The following CSNK1G1 variants were observed in gnomAD, a reference collection of about 807,000 sequenced individuals.
CSNK1G1 encodes the protein casein kinase I isoform gamma-1.
A neutral mutation model predicts 59.6 loss-of-function variants in CSNK1G1; 22 were observed. That is an observed-to-expected ratio of 0.37 (90% confidence interval 0.26 to 0.53). The LOEUF (loss-of-function observed/expected upper bound fraction) is 0.53. Ranked by LOEUF, CSNK1G1 falls within the 20% of genes least tolerant of loss-of-function variation. The probability of loss-of-function intolerance (pLI) is 0.89; values close to 1 mark genes in which losing one functional copy is unlikely to be tolerated. For synonymous variants in CSNK1G1, 179 were observed against 177.1 expected (o/e 1.01, Z -0.08); for missense variants, 384 against 519.5 (o/e 0.74, Z 2.54).
chr15:64,255,172 G>A (rs1274572255), intron 3 of CSNK1G1, among the ~76,000 whole-genome samples: 2 of 152,108 alleles, frequency 1.3e-5, no homozygotes, highest in Non-Finnish European at 2.9e-5. Context: ...CACCTCCCGG[G>A]TTCAAGCAAT....
At chr15:64,347,750 G>C (rs966046830) in intron 1 of CSNK1G1, among the ~76,000 whole-genome samples, 1 of 152,150 alleles carries the variant, frequency 6.6e-6, no homozygotes, top group Non-Finnish European at 1.5e-5. Flanking sequence ...GCTCCTACCT[G>C]TAATCCCAGC....
chr15:64,245,734 G>A (rs746983576), intron 4 of CSNK1G1, among the ~76,000 whole-genome samples: 15 of 150,920 alleles, frequency 9.9e-5, no homozygotes, highest in Non-Finnish European at 1.9e-4. Context: ...GCGAGACCCC[G>A]GTTCTCCACA....
chr15:64,316,265 G>A (rs968888004), intron 1 of CSNK1G1, among the ~76,000 whole-genome samples: 1 of 152,018 alleles, frequency 6.6e-6, no homozygotes, highest in Non-Finnish European at 1.5e-5. Context: ...GGTTGGGCTC[G>A]GTGGCTCACG....
rs1455084280 is a variant in CSNK1G1 at position 64,264,915 on chromosome 15, CA to C, written c.182-5675del. On this transcript the variant is annotated intron_variant, in intron 2 of 11. Coordinates refer to ENST00000303052, the MANE Select transcript of CSNK1G1 (RefSeq NM_022048.5). ...TATATGACAAACTCACAGCTAATAT[CA>C]GACTGAATGGGGAAAAATTAAAAGC... 6.6e-5 allele frequency among the ~76,000 whole-genome samples: 10 copies of C among 152,280 alleles called. No individual in the cohort carries two copies. The East Asian group carries it at 1.4e-3, about 21-fold the overall frequency.
chr15:64,288,174 G>T (rs773170610), intron 2 of CSNK1G1, among the ~76,000 whole-genome samples: 17 of 151,892 alleles, frequency 1.1e-4, no homozygotes, highest in Non-Finnish European at 2.1e-4. Context: ...TAATTCTGAG[G>T]GAAGGAATGA....
chr15:64,354,784 T>G (rs1020085646), intron 1 of CSNK1G1, among the ~76,000 whole-genome samples: 1 of 152,204 alleles, frequency 6.6e-6, no homozygotes, highest in Non-Finnish European at 1.5e-5. Context: ...ATACTACTTA[T>G]GAAGAAACAA....
chr15:64,322,148 C>T (rs922849788), intron 1 of CSNK1G1, among the ~76,000 whole-genome samples: 3 of 151,874 alleles, frequency 2.0e-5, no homozygotes, highest in African/African-American at 7.3e-5. Flanking sequence ...TATGTAATAT[C>T]TTCCTCTCAT....
In CSNK1G1 at chr15:64,167,414, G is replaced by A. The variant is rs1479638151; in HGVS notation, c.*4517C>T. On this transcript the variant is annotated 3_prime_UTR_variant, in exon 12 of 12. Transcript: ENST00000303052. The stretch of plus-strand genomic sequence containing the variant: ...TATCAACCCCTCATGGGAAAGACTA[G>A]GAGTCTCTGCCATCGACCTCTAGAC... 6.6e-6 allele frequency: 1 copy of A among 152,636 alleles called. No individual in the cohort carries two copies. The highest frequency in any genetic ancestry group is 1.5e-5 in the Non-Finnish European group (1 of 68,040). 9.5% of individuals were successfully genotyped at this position (152,636 alleles called of 1,614,324 possible).
intron 2 of CSNK1G1, among the ~76,000 whole-genome samples, chr15:64,270,486 G>A (rs925568243): frequency 3.9e-5 from 6 of 152,084 alleles, no homozygotes; most frequent in East Asian, 1.9e-4. Context: ...GTGGCCGGGC[G>A]CAGTGGCTCA....
intron 11 of CSNK1G1, among the ~76,000 whole-genome samples, chr15:64,177,778 G>C (rs904078482): frequency 1.3e-5 from 2 of 152,202 alleles, no homozygotes; most frequent in Admixed American, 6.5e-5. Flanking sequence ...TTACCAAAAT[G>C]AGATGAGATG....
intron 4 of CSNK1G1, among the ~76,000 whole-genome samples, chr15:64,228,346 T>C (rs918652159): frequency 3.3e-5 from 5 of 152,144 alleles, no homozygotes; most frequent in Admixed American, 3.3e-4. Context: ...GTAAAAAGCA[T>C]ATAAAGAAAA....
At chr15:64,264,489 C>A (rs551547643) in intron 2 of CSNK1G1, among the ~76,000 whole-genome samples, 1 of 152,204 alleles carries the variant, frequency 6.6e-6, no homozygotes, top group South Asian at 2.1e-4. Context: ...TTTCAAAAAA[C>A]CAAAGAGGAG....
At chr15:64,272,631 T>C (rs1349275985) in intron 2 of CSNK1G1, among the ~76,000 whole-genome samples, 1 of 152,190 alleles carries the variant, frequency 6.6e-6, no homozygotes, top group African/African-American at 2.4e-5. Context: ...TGCTGGCTTG[T>C]TTGTGAGGTT....
intron 10 of CSNK1G1, among the ~76,000 whole-genome samples, chr15:64,192,202 C>T (rs963838725): frequency 2.6e-5 from 4 of 152,204 alleles, no homozygotes; most frequent in African/African-American, 7.2e-5. Context: ...TTAAATGTCA[C>T]TCAAGAGGTG....
At chr15:64,281,843 C>T (rs1780923493) in intron 2 of CSNK1G1, among the ~76,000 whole-genome samples, 1 of 149,108 alleles carries the variant, frequency 6.7e-6, no homozygotes, top group Non-Finnish European at 1.5e-5. Context: ...AGATGTATTT[C>T]ACAATAATAT....
chr15:64,178,093 C>A (rs939846863), intron 11 of CSNK1G1, among the ~76,000 whole-genome samples: 2 of 152,110 alleles, frequency 1.3e-5, no homozygotes, highest in Non-Finnish European at 2.9e-5. Flanking sequence ...AATCAGAATG[C>A]CTGAGGCCAG....
At chr15:64,349,640 T>C (rs1898172866) in intron 1 of CSNK1G1, among the ~76,000 whole-genome samples, 1 of 152,226 alleles carries the variant, frequency 6.6e-6, no homozygotes. Flanking sequence ...CTTTAGGCCA[T>C]TTCTGGGATA....
At chr15:64,205,394 T>C (rs1241497797) in intron 7 of CSNK1G1, among the ~76,000 whole-genome samples, 1 of 152,168 alleles carries the variant, frequency 6.6e-6, no homozygotes, top group African/African-American at 2.4e-5. Context: ...TATTGAGACT[T>C]TGAACAGAAA....
intron 2 of CSNK1G1, among the ~76,000 whole-genome samples, chr15:64,279,980 A>C (rs1366129622): frequency 3.3e-5 from 5 of 151,934 alleles, no homozygotes; most frequent in Non-Finnish European, 2.9e-5. Flanking sequence ...TCAAAAAAAA[A>C]AAAAACAAAA....
Sources: gnomAD v4.1 joint callset for allele counts (sites outside exome capture counted in the v4.1 genomes callset) on GRCh38, gnomAD v4.1.1 for gene constraint, MANE v1.5 for transcripts, NCBI Gene and HGNC (gene_info 2026-07-23, HGNC 2026-07-21) for gene names.